PTPRT: variants seen among roughly 807,000 people sequenced by gnomAD.
The protein encoded by PTPRT is protein tyrosine phosphatase receptor type T.
A neutral mutation model predicts 176.8 loss-of-function variants in PTPRT; 56 were observed. That is an observed-to-expected ratio of 0.32 (90% CI 0.26 to 0.40). The LOEUF (loss-of-function observed/expected upper bound fraction) is 0.40, where lower values mean the gene tolerates loss of function less well. PTPRT is among the 10% of genes least tolerant of loss of function. PTPRT has a pLI of 1.00. For missense variants in PTPRT, 1,540 were observed against 1,908.2 expected, an observed-to-expected ratio of 0.81 and a Z score of 3.60; for synonymous variants, 783 against 739.0, an observed-to-expected ratio of 1.06 and a Z score of -0.96.
rs139829297 is a variant in PTPRT, at chr20:42,378,312, G to C, written c.1561-26027C>G. ...TTCTGTTCTCAGATACCTACTGACT[G>C]TATGATTCTGAGATCACACCTCTCT... On this transcript the variant is annotated intron_variant, in intron 9 of 30. Transcript: ENST00000373187. Among the ~76,000 whole-genome samples the C allele has an allele frequency of 5.1e-4, 78 of 152,292 alleles. 1 individual carries two copies. The highest frequency in any genetic ancestry group is 1.8e-3 in the African/African-American group (76 of 41,566).
intron 1 of PTPRT, among the ~76,000 whole-genome samples, chr20:42,946,456 C>A (rs1252758639): frequency 6.6e-6 from 1 of 152,176 alleles, no homozygotes; most frequent in African/African-American, 2.4e-5. Context: ...ACTAACCAAC[C>A]CCAAAAGTTT....
the PTPRT span, among the ~76,000 whole-genome samples, chr20:42,044,479 C>T: frequency 6.6e-6 from 1 of 152,220 alleles, no homozygotes; most frequent in Non-Finnish European, 1.5e-5. Flanking sequence ...GGCACAAGGC[C>T]TGGTCACAGG....
At chr20:42,826,972 A>G (rs1245873705) in intron 2 of PTPRT, among the ~76,000 whole-genome samples, 1 of 152,210 alleles carries the variant, frequency 6.6e-6, no homozygotes, top group Non-Finnish European at 1.5e-5. Flanking sequence ...AGGCCATTAC[A>G]TAATTGTAAA....
At chr20:43,179,035 G>A (rs997564518) in intron 1 of PTPRT, among the ~76,000 whole-genome samples, 6 of 152,112 alleles carry the variant, frequency 3.9e-5, no homozygotes, top group South Asian at 2.1e-4. Flanking sequence ...CACCACCCCC[G>A]AATGAAACAA....
At chr20:43,177,498 G>A (rs2015149509) in intron 1 of PTPRT, among the ~76,000 whole-genome samples, 1 of 152,204 alleles carries the variant, frequency 6.6e-6, no homozygotes, top group African/African-American at 2.4e-5. Context: ...GAATGGGAAA[G>A]ATACCAAAGA....
chr20:42,185,007 G>A (rs919223209), intron 16 of PTPRT, among the ~76,000 whole-genome samples: 1 of 151,794 alleles, frequency 6.6e-6, no homozygotes, highest in African/African-American at 2.4e-5. Flanking sequence ...TCAACTCATC[G>A]TGGCTTCCTC....
chr20:42,082,065 G>A, intron 29 of PTPRT, 48 bp from the exon 30 acceptor site: 1 of 1,611,996 alleles, frequency 6.2e-7, no homozygotes, highest in African/African-American at 1.3e-5. Context: ...TCCCTTCCAG[G>A]CACCTGATGA....
chr20:42,862,199 A>G (rs1400471315), intron 2 of PTPRT, among the ~76,000 whole-genome samples: 3 of 152,164 alleles, frequency 2.0e-5, no homozygotes, highest in African/African-American at 7.2e-5. Context: ...CAAGTGCTGG[A>G]GGCCACTGTA....
chr20:42,870,194 T>C (rs1483354315), intron 2 of PTPRT, among the ~76,000 whole-genome samples: 1 of 152,116 alleles, frequency 6.6e-6, no homozygotes, highest in African/African-American at 2.4e-5. Flanking sequence ...CAACCATCAT[T>C]CTATTTTTTT....
chr20:43,146,668 A>T (rs886303517), intron 1 of PTPRT, among the ~76,000 whole-genome samples: 16 of 152,106 alleles, frequency 1.1e-4, no homozygotes, highest in Admixed American at 3.9e-4. Flanking sequence ...TGAGCATGCC[A>T]CTAGGGAAGC....
chr20:42,819,775 T>C (rs1242746570), intron 2 of PTPRT, among the ~76,000 whole-genome samples: 1 of 152,038 alleles, frequency 6.6e-6, no homozygotes, highest in East Asian at 1.9e-4. Context: ...GTTGCAATCC[T>C]AATCTCTGAT....
In PTPRT at chr20:42,424,256, A is replaced by G. The variant is rs192612382; in HGVS notation, c.1560+23964T>C. 5.3e-5 allele frequency among the ~76,000 whole-genome samples: 8 copies of G among 152,312 alleles called. No individual in the cohort carries two copies. The East Asian group carries it at 1.5e-3, about 29-fold the overall frequency. On this transcript the variant is annotated intron_variant, in intron 9 of 30. Transcript: ENST00000373187. The stretch of plus-strand genomic sequence containing the variant: ...CCTTTTTGTCCCCAGCTGAAATCCA[A>G]TGTCACAGGTGCACTTTCTCTGTGC...
intron 9 of PTPRT, among the ~76,000 whole-genome samples, chr20:42,436,928 A>G (rs777179103): frequency 3.3e-5 from 5 of 152,242 alleles, no homozygotes; most frequent in Non-Finnish European, 7.3e-5. Flanking sequence ...CCAAAAGCTT[A>G]TACACAACTT....
intron 9 of PTPRT, among the ~76,000 whole-genome samples, chr20:42,369,425 C>T (rs543643069): frequency 2.0e-5 from 3 of 152,320 alleles, no homozygotes; most frequent in Admixed American, 6.5e-5. Context: ...TTTTAATACC[C>T]TCTCTACCCT....
chr20:43,009,185 G>A (rs1985000082), intron 1 of PTPRT, among the ~76,000 whole-genome samples: 1 of 152,036 alleles, frequency 6.6e-6, no homozygotes, highest in Non-Finnish European at 1.5e-5. Flanking sequence ...CCCCAAATAA[G>A]TCAGAACATG....
intron 6 of PTPRT, among the ~76,000 whole-genome samples, chr20:42,691,608 A>G (rs2075794895): frequency 6.6e-6 from 1 of 152,204 alleles, no homozygotes. Context: ...AAAGGAACTG[A>G]AAAACGAGCT....
At chr20:42,862,120 G>A (rs2078673199) in intron 2 of PTPRT, among the ~76,000 whole-genome samples, 1 of 151,198 alleles carries the variant, frequency 6.6e-6, no homozygotes, top group Admixed American at 6.6e-5. Flanking sequence ...CCTTTTTTTT[G>A]GTACAAAGAC....
At chr20:43,019,770 G>A (rs554877325) in intron 1 of PTPRT, among the ~76,000 whole-genome samples, 12 of 152,066 alleles carry the variant, frequency 7.9e-5, no homozygotes, top group African/African-American at 2.7e-4. Flanking sequence ...GGCCCAGATG[G>A]AATAAAAAGC....
intron 6 of PTPRT, among the ~76,000 whole-genome samples, chr20:42,737,529 G>C (rs569617790): frequency 1.7e-3 from 257 of 152,186 alleles, no homozygotes; most frequent in Middle Eastern, 6.8e-3. Flanking sequence ...TACTCGGGAG[G>C]CTGAGGCAGG....
Sources: allele counts gnomAD v4.1 joint callset (sites outside exome capture counted in the v4.1 genomes callset), GRCh38; gene constraint gnomAD v4.1.1; transcripts MANE v1.5; gene names NCBI Gene and HGNC (gene_info 2026-07-23, HGNC 2026-07-21).